LARGE1: variants seen among roughly 807,000 people sequenced by gnomAD.
LARGE1 encodes the protein LARGE xylosyl- and glucuronyltransferase 1.
In LARGE1, 43 loss-of-function variants were observed where a neutral mutation model predicts 87.6. That is an observed-to-expected ratio of 0.49 (90% CI 0.38 to 0.63). The LOEUF (loss-of-function observed/expected upper bound fraction) is 0.63, where lower values mean the gene tolerates loss of function less well. Among genes scored for constraint, LARGE1 ranks in the 30% least tolerant of loss-of-function variants. LARGE1 has a pLI of 0.00. For synonymous variants in LARGE1, 434 were observed against 394.6 expected, an observed-to-expected ratio of 1.10 and a Z score of -1.18; for missense variants, 802 against 1,000.2, an observed-to-expected ratio of 0.80 and a Z score of 2.67.
intron 10 of LARGE1, 147 bp downstream of exon 10, chr22:33,337,499 C>A (rs534031727): frequency 9.1e-6 from 8 of 878,964 alleles, no homozygotes; most frequent in South Asian, 4.5e-5. Flanking sequence ...CCTCTCTCCC[C>A]GACTAGATGG....
At chr22:33,666,166 G>A (rs1047870256) in intron 2 of LARGE1, among the ~76,000 whole-genome samples, 4 of 152,190 alleles carry the variant, frequency 2.6e-5, no homozygotes, top group African/African-American at 7.2e-5. Context: ...ATTCAGGAAA[G>A]TAAGGAACTT....
Position 33,300,785 on chromosome 22 carries a change from C to T in LARGE1, c.1730+3444G>A, listed in dbSNP as rs536755424. Among the ~76,000 whole-genome samples the T allele has an allele frequency of 3.3e-5, 5 of 152,216 alleles. No homozygotes were observed. In the South Asian group the frequency reaches 6.2e-4, roughly 19 times the overall value. ...TCGATCTTCTGACCTCGTGATTCAC[C>T]GGCCTCGGCCTCCCAAAGTGCTGGG... On this transcript the variant is annotated intron_variant, in intron 12 of 14. Transcript: ENST00000397394.
chr22:33,563,154 C>T (rs1440548866), intron 6 of LARGE1: 1 of 152,282 alleles, frequency 6.6e-6, no homozygotes, highest in African/African-American at 2.4e-5. Flanking sequence ...AGGGCTGATG[C>T]CTTTTCTGAG....
chr22:33,116,959 A>G, the LARGE1 span, among the ~76,000 whole-genome samples: 1 of 152,218 alleles, frequency 6.6e-6, no homozygotes, highest in African/African-American at 2.4e-5. Context: ...TAATCTTTGT[A>G]TGCTGCTAGT....
chr22:33,839,039 A>G (rs900917331), intron 1 of LARGE1, among the ~76,000 whole-genome samples: 4 of 152,210 alleles, frequency 2.6e-5, no homozygotes, highest in Non-Finnish European at 4.4e-5. Context: ...TCAAGAAATA[A>G]TTTAGGATAT....
chr22:33,779,722 G>A (rs2085356879), intron 1 of LARGE1, among the ~76,000 whole-genome samples: 1 of 152,074 alleles, frequency 6.6e-6, no homozygotes, highest in Non-Finnish European at 1.5e-5. Context: ...GGAGGCGGAG[G>A]TTGCAGTGAG....
At position 33,739,107 on chromosome 22, in the gene LARGE1, A is replaced by G. The variant is rs189669882; in HGVS notation, c.106+22264T>C. Among the ~76,000 whole-genome samples, 670 of 152,164 alleles carry G rather than the reference A, an allele frequency of 4.4e-3. 7 individuals carry two copies. Among genetic ancestry groups the G allele is most frequent in the African/African-American group, 0.015 (634 of 41,506 alleles). On this transcript the variant is annotated intron_variant, in intron 2 of 14. Transcript: ENST00000397394. ...TTCCTTATTGGAAAAATGGAATAAC[A>G]GTACATGCCTCGCAAGTTTGTCAAG...
chr22:33,403,033 G>T (rs1322133248), intron 7 of LARGE1, among the ~76,000 whole-genome samples: 1 of 150,862 alleles, frequency 6.6e-6, no homozygotes, highest in Non-Finnish European at 1.5e-5. Context: ...TGACTTACAG[G>T]GCTATGGCTG....
At chr22:33,513,366 C>T (rs1458097867) in intron 6 of LARGE1, among the ~76,000 whole-genome samples, 2 of 152,134 alleles carry the variant, frequency 1.3e-5, no homozygotes, top group East Asian at 1.9e-4. Context: ...GGCTGAGATT[C>T]CTCTGTGAGC....
chr22:33,819,598 C>G (rs776446144), intron 1 of LARGE1, among the ~76,000 whole-genome samples: 9 of 152,026 alleles, frequency 5.9e-5, no homozygotes, highest in Non-Finnish European at 1.2e-4. Flanking sequence ...AGTCAACTGC[C>G]TTGACTTCAA....
chr22:33,173,325 C>G (rs1376524042), intron 11 of LARGE1, among the ~76,000 whole-genome samples: 1 of 152,138 alleles, frequency 6.6e-6, no homozygotes, highest in African/African-American at 2.4e-5. Context: ...CACCACCAAG[C>G]CTGCCTTACA....
chr22:33,464,557 A>T (rs2068510150), intron 6 of LARGE1, among the ~76,000 whole-genome samples: 1 of 152,214 alleles, frequency 6.6e-6, no homozygotes, highest in Non-Finnish European at 1.5e-5. Context: ...AAAATGGGCA[A>T]AAGATATAAA....
chr22:33,593,872 T>A (rs5999027), intron 5 of LARGE1, among the ~76,000 whole-genome samples: 84 of 152,090 alleles, frequency 5.5e-4, no homozygotes, highest in African/African-American at 1.9e-3. Flanking sequence ...GATGAGTTGC[T>A]GTTTTATTTC....
chr22:33,317,305 T>C (rs1332281712), intron 10 of LARGE1, among the ~76,000 whole-genome samples: 1 of 152,034 alleles, frequency 6.6e-6, no homozygotes, highest in Non-Finnish European at 1.5e-5. Context: ...CGCTCAAAAC[T>C]GACAAGGACC....
chr22:33,492,081 G>A (rs1569209870), intron 6 of LARGE1, among the ~76,000 whole-genome samples: 1 of 152,206 alleles, frequency 6.6e-6, no homozygotes, highest in Non-Finnish European at 1.5e-5. Flanking sequence ...CTAAATGAGT[G>A]ATGACAGAAA....
intron 2 of LARGE1, 99 bp downstream of exon 2, chr22:33,761,272 A>G (rs1020296049): frequency 8.4e-6 from 8 of 950,176 alleles, no homozygotes; most frequent in African/African-American, 1.6e-5. Context: ...GGAAATACAT[A>G]TTCCTATTAG....
rs564487855 is a variant in LARGE1 at position 33,502,068 on chromosome 22, C to T, written c.787+62780G>A. Among the ~76,000 whole-genome samples, 35 of 152,074 alleles carry T rather than the reference C, an allele frequency of 2.3e-4. 2 individuals carry two copies. The South Asian group carries it at 3.5e-3, about 15-fold the overall frequency. ...AAAATTAGCCGGGCATGCTGGCAGG[C>T]GCCTGTAGTTCCAGCTACTCAGGAG... On this transcript the variant is annotated intron_variant, in intron 6 of 14. Transcript: ENST00000397394.
At chr22:33,282,439 C>T (rs1219273105) in intron 13 of LARGE1, among the ~76,000 whole-genome samples, 1 of 152,178 alleles carries the variant, frequency 6.6e-6, no homozygotes, top group Non-Finnish European at 1.5e-5. Flanking sequence ...TGCTCAGTTA[C>T]GGCACCTAGC....
At chr22:33,823,203 T>C (rs536165992) in intron 1 of LARGE1, among the ~76,000 whole-genome samples, 40 of 152,010 alleles carry the variant, frequency 2.6e-4, no homozygotes, top group Non-Finnish European at 4.7e-4. Context: ...ATGAGAAAAA[T>C]TCATGAGCTT....
Sources: gnomAD v4.1 joint callset for allele counts (sites outside exome capture counted in the v4.1 genomes callset) on GRCh38, gnomAD v4.1.1 for gene constraint, MANE v1.5 for transcripts, NCBI Gene and HGNC (gene_info 2026-07-23, HGNC 2026-07-21) for gene names.